Variants in VWDE observed in about 807,000 individuals in gnomAD.
The protein encoded by VWDE is von Willebrand factor D and EGF domain-containing protein.
VWDE carries 207 observed loss-of-function variants against 178.4 expected under a neutral mutation model. The ratio of observed to expected loss-of-function variants is 1.16; its 90% CI spans 1.04 to 1.30. The LOEUF (loss-of-function observed/expected upper bound fraction) is 1.30. VWDE is among the 50% of genes most tolerant of loss of function. The pLI is 0.00. For missense variants in VWDE, 2,287 were observed against 1,901.3 expected (o/e 1.20, Z -3.77); for synonymous variants, 738 against 651.4 (o/e 1.13, Z -2.02).
chr7:12,389,605 T>C (rs1332695500), intron 2 of VWDE, among the ~76,000 whole-genome samples: 2 of 152,320 alleles, frequency 1.3e-5, no homozygotes, highest in East Asian at 1.9e-4. Context: ...ATTTATTCCA[T>C]TCATTACATT....
chr7:12,365,328 A>G (rs1782800630), intron 13 of VWDE, among the ~76,000 whole-genome samples: 1 of 152,258 alleles, frequency 6.6e-6, no homozygotes, highest in Admixed American at 6.5e-5. Context: ...TATAAATAAG[A>G]TATTAACTTT....
intron 3 of VWDE, among the ~76,000 whole-genome samples, chr7:12,384,338 G>T (rs1228897505): frequency 6.6e-6 from 1 of 151,956 alleles, no homozygotes; most frequent in East Asian, 1.9e-4. Context: ...GGTTGTCTGG[G>T]GTTGAGAGGA....
At chr7:12,387,519 T>A (rs894469480) in intron 3 of VWDE, among the ~76,000 whole-genome samples, 7 of 152,014 alleles carry the variant, frequency 4.6e-5, no homozygotes, top group African/African-American at 1.7e-4. Context: ...TGAGATTGGG[T>A]ATTTTATATA....
chr7:12,337,556 A>C (rs149675195), intron 24 of VWDE, among the ~76,000 whole-genome samples: 38 of 152,324 alleles, frequency 2.5e-4, no homozygotes, highest in Non-Finnish European at 4.7e-4. Flanking sequence ...ATGTTTCACT[A>C]TACAATAAAG....
intron 13 of VWDE, among the ~76,000 whole-genome samples, chr7:12,363,573 G>T (rs1475296348): frequency 2.0e-5 from 3 of 151,902 alleles, no homozygotes; most frequent in African/African-American, 2.4e-5. Flanking sequence ...TGTAAAATAT[G>T]TTACACTTTA....
At chr7:12,365,397 G>C (rs945664611) in intron 13 of VWDE, among the ~76,000 whole-genome samples, 1 of 152,056 alleles carries the variant, frequency 6.6e-6, no homozygotes, top group African/African-American at 2.4e-5. Flanking sequence ...TTTTCTGTGA[G>C]TATCAAGTTA....
At chr7:12,398,340 A>G (rs1784721368) in intron 1 of VWDE, among the ~76,000 whole-genome samples, 1 of 152,162 alleles carries the variant, frequency 6.6e-6, no homozygotes, top group South Asian at 2.1e-4. Context: ...GGAAACCATC[A>G]GGCCTCCCAG....
At chr7:12,375,483 T>C (rs1357262304) in intron 7 of VWDE, among the ~76,000 whole-genome samples, 1 of 151,986 alleles carries the variant, frequency 6.6e-6, no homozygotes, top group Non-Finnish European at 1.5e-5. Context: ...AATTAGGTTA[T>C]AAACCTGTAT....
At chr7:12,357,922 C>G (rs1430742560) in intron 16 of VWDE, among the ~76,000 whole-genome samples, 1 of 152,146 alleles carries the variant, frequency 6.6e-6, no homozygotes, top group East Asian at 1.9e-4. Context: ...CTCCCTTTCT[C>G]TATTCCTCCC....
chr7:12,335,205 A>C (rs1446965062), intron 27 of VWDE, among the ~76,000 whole-genome samples: 1 of 152,214 alleles, frequency 6.6e-6, no homozygotes, highest in Non-Finnish European at 1.5e-5. Context: ...GTAATTATTA[A>C]TCATTTGGAA....
At chr7:12,367,550 A>C (rs991819532) in intron 12 of VWDE, 57 bp from the exon 13 acceptor site, 4 of 1,264,996 alleles carry the variant, frequency 3.2e-6, no homozygotes, top group Non-Finnish European at 4.2e-6. Flanking sequence ...AGAAAAAAAA[A>C]CTAATTATTT....
chr7:12,377,833 A>C lies in VWDE; in HGVS notation c.967T>G (p.Phe323Val). The C allele has an allele frequency of 6.5e-7, 1 of 1,532,644 alleles. No homozygotes were observed. Among genetic ancestry groups the C allele is most frequent in the Non-Finnish European group, 8.8e-7 (1 of 1,137,390 alleles). The allele number at this position is 1,532,644 out of a possible 1,614,324, so 94.9% of individuals were successfully genotyped here. The change falls in exon 7 of 29, where the codon TTT becomes GTT. Residue 323 changes from phenylalanine to valine, a missense_variant. Transcript: ENST00000275358. ...TTGCATTCTTGATCAAGCTCACTAA[A>C]TTCAGAACAAATAATAGGAACTGTG... ...ESTVPIICSE[F>V]SELDQECKIS...
rs776781296 is a variant in VWDE, at chr7:12,350,249, C to T, written c.3886+1324G>A. On this transcript the variant is annotated intron_variant, in intron 19 of 28. Coordinates refer to ENST00000275358, the MANE Select transcript of VWDE (RefSeq NM_001135924.3). ...AAAATATATCAGGATTAGACTTGTA[C>T]CTATTAATATAATTATATAATTGCA... 1.1e-3 allele frequency among the ~76,000 whole-genome samples: 160 copies of T among 151,392 alleles called. 1 individual carries two copies. The highest frequency in any genetic ancestry group is 1.8e-3 in the Non-Finnish European group (120 of 67,794).
chr7:12,338,464 C>T (rs902597526), intron 24 of VWDE, among the ~76,000 whole-genome samples: 4 of 151,936 alleles, frequency 2.6e-5, no homozygotes, highest in East Asian at 1.9e-4. Flanking sequence ...GAATTTGAAA[C>T]GTAAAAAAGC....
chr7:12,350,915 T>A (rs1258808011), intron 19 of VWDE, among the ~76,000 whole-genome samples: 1 of 151,990 alleles, frequency 6.6e-6, no homozygotes, highest in Non-Finnish European at 1.5e-5. Flanking sequence ...ACCCCCTATT[T>A]GCAAAAAACA....
At chr7:12,352,005 A>T (rs922561797) in intron 18 of VWDE, among the ~76,000 whole-genome samples, 3 of 152,150 alleles carry the variant, frequency 2.0e-5, no homozygotes, top group Non-Finnish European at 2.9e-5. Flanking sequence ...CTAATCCAAT[A>T]GGACTGGTGT....
At position 12,340,391 on chromosome 7, in the gene VWDE, C is replaced by T; in HGVS notation, c.4297G>A (p.Gly1433Ser). ...TALCDPVCLN[G>S]GSCNKPNTCL... ...GTATTTGGCTTATTACACGAACCAC[C>T]ATTGAGGCAGACAGGGTCGCACAAA... Residue 1433 changes from glycine to serine, a missense_variant, in exon 24 of 29, where the codon GGT (glycine) becomes AGT (serine). By Grantham distance (56) the Gly-to-Ser change is moderately conservative. Coordinates refer to ENST00000275358, the MANE Select transcript of VWDE (RefSeq NM_001135924.3). 3 of 1,551,430 alleles carry T rather than the reference C, an allele frequency of 1.9e-6. No individual in the cohort carries two copies. The highest frequency in any genetic ancestry group is 2.6e-6 in the Non-Finnish European group (3 of 1,146,832).
At chr7:12,364,575 T>C (rs755721895) in intron 13 of VWDE, among the ~76,000 whole-genome samples, 26 of 152,098 alleles carry the variant, frequency 1.7e-4, no homozygotes, top group Non-Finnish European at 2.6e-4. Context: ...TGAAATAAGT[T>C]TCCATTAGTC....
chr7:12,385,230 A>G (rs1007822630), intron 3 of VWDE, among the ~76,000 whole-genome samples: 3 of 152,170 alleles, frequency 2.0e-5, no homozygotes, highest in Non-Finnish European at 4.4e-5. Flanking sequence ...TATTAAAGTG[A>G]AATTTTGCCC....
Sources: allele counts gnomAD v4.1 joint callset (sites outside exome capture counted in the v4.1 genomes callset), GRCh38; gene constraint gnomAD v4.1.1; transcripts MANE v1.5; gene names NCBI Gene and HGNC (gene_info 2026-07-23, HGNC 2026-07-21).